The following ADAMTS18 variants were observed in gnomAD, a reference collection of about 807,000 sequenced individuals.
ADAMTS18 encodes the protein ADAM metallopeptidase with thrombospondin type 1 motif 18.
ADAMTS18 carries 157 observed loss-of-function variants against 165.9 expected under a neutral mutation model. That is an observed-to-expected ratio of 0.95 (90% CI 0.83 to 1.08). ADAMTS18 has a LOEUF of 1.08. Ranked by LOEUF, ADAMTS18 falls within the 50% of genes least tolerant of loss-of-function variation. The probability of loss-of-function intolerance (pLI) is 0.00; values close to 1 mark genes in which losing one functional copy is unlikely to be tolerated. For synonymous variants in ADAMTS18, 782 were observed against 578.2 expected (o/e 1.35, Z -5.06); for missense variants, 2,040 against 1,534.0 (o/e 1.33, Z -5.51).
chr16:77,303,781 C>T (rs952871904), intron 16 of ADAMTS18, among the ~76,000 whole-genome samples: 1 of 152,204 alleles, frequency 6.6e-6, no homozygotes, highest in Non-Finnish European at 1.5e-5. Context: ...CGCCTGTAAT[C>T]CCAGTACTTT....
At chr16:77,393,031 C>T (rs554965032) in intron 3 of ADAMTS18, among the ~76,000 whole-genome samples, 17 of 152,244 alleles carry the variant, frequency 1.1e-4, no homozygotes, top group African/African-American at 4.1e-4. Flanking sequence ...TGGGTACCAT[C>T]AAAGGGTTAA....
intron 3 of ADAMTS18, among the ~76,000 whole-genome samples, chr16:77,387,478 T>C (rs2057125346): frequency 6.6e-6 from 1 of 152,298 alleles, no homozygotes. Flanking sequence ...AATGCACTAC[T>C]CAAGAGTACA....
In ADAMTS18 at chr16:77,367,633, C is replaced by G; in HGVS notation, c.586G>C (p.Gly196Arg). ...AQEHNYSSPA[G>R]HHPHVLYKRT... ...TTGTACAGTACGTGAGGATGGTGAC[C>G]CGCAGGGGAGCTGTAGTTGTGTTCC... The change falls in exon 4 of 23, where the codon GGT becomes CGT. Residue 196 changes from glycine (G) to arginine (R), a missense_variant. Transcript: ENST00000282849. The G allele has an allele frequency of 6.2e-7, 1 of 1,614,164 alleles. No homozygotes were observed. The highest frequency in any genetic ancestry group is 1.1e-5 in the South Asian group (1 of 91,086).
intron 14 of ADAMTS18, 146 bp downstream of exon 14, chr16:77,322,190 C>A: frequency 1.5e-6 from 1 of 679,432 alleles, no homozygotes. Context: ...ATATGGTGCT[C>A]GAATCCAGTG....
At chr16:77,414,669 A>T (rs2057507016) in intron 3 of ADAMTS18, among the ~76,000 whole-genome samples, 1 of 152,208 alleles carries the variant, frequency 6.6e-6, no homozygotes, top group African/African-American at 2.4e-5. Flanking sequence ...GGGGGAATAA[A>T]ACAAACTTCT....
In ADAMTS18 at chr16:77,341,698, G is replaced by C; in HGVS notation, c.1710+6C>G. ...GGAGCTAAAAACTAACAAGTATGCA[G>C]TTTACCATACTCAAGCCACAAACGG... On this transcript the variant is annotated splice_donor_region_variant and intron_variant, in intron 11 of 22. Transcript: ENST00000282849. 6.2e-7 allele frequency: 1 copy of C among 1,610,476 alleles called. No homozygotes were observed. Among genetic ancestry groups the C allele is most frequent in the Non-Finnish European group, 8.5e-7 (1 of 1,177,426 alleles).
chr16:77,405,022 T>TA lies in ADAMTS18; in HGVS notation c.495+26272dup, dbSNP rs531639525. ...GAATGTTTTTAGCACTGCTGTTAAT[T>TA]ACCTTAGCCACTGGTGAGGAAAAAA... On this transcript the variant is annotated intron_variant, in intron 3 of 22. Coordinates refer to ENST00000282849, the MANE Select transcript of ADAMTS18 (RefSeq NM_199355.4). Among the ~76,000 whole-genome samples, 7 of 152,296 alleles carry TA rather than the reference T, an allele frequency of 4.6e-5. No individual in the cohort carries two copies. The South Asian group carries it at 1.4e-3, about 32-fold the overall frequency.
intron 3 of ADAMTS18, among the ~76,000 whole-genome samples, chr16:77,371,027 C>A (rs550942072): frequency 3.5e-4 from 54 of 152,188 alleles, no homozygotes; most frequent in African/African-American, 1.3e-3. Flanking sequence ...TCAGCCTGGG[C>A]AACATAGTGA....
intron 3 of ADAMTS18, among the ~76,000 whole-genome samples, chr16:77,371,997 A>T (rs1333202988): frequency 6.6e-6 from 1 of 152,182 alleles, no homozygotes; most frequent in Non-Finnish European, 1.5e-5. Flanking sequence ...AGACATATAC[A>T]TGGCCAACAG....
At chr16:77,361,978 G>T in intron 7 of ADAMTS18, 127 bp downstream of exon 7, 1 of 1,088,472 alleles carries the variant, frequency 9.2e-7, no homozygotes, top group South Asian at 1.3e-5. Context: ...GGTACATTAG[G>T]TTACTCCATA....
At chr16:77,325,547 C>T (rs192371148) in intron 13 of ADAMTS18, among the ~76,000 whole-genome samples, 41 of 151,984 alleles carry the variant, frequency 2.7e-4, no homozygotes, top group African/African-American at 8.9e-4. Flanking sequence ...CAGTTCATAC[C>T]AATTTCAATT....
At chr16:77,356,965 A>G (rs2056640378) in intron 8 of ADAMTS18, among the ~76,000 whole-genome samples, 1 of 150,118 alleles carries the variant, frequency 6.7e-6, no homozygotes, top group African/African-American at 2.5e-5. Flanking sequence ...AATTCAGCAC[A>G]GAGAAAAGTC....
At chr16:77,355,917 C>A in intron 9 of ADAMTS18, 23 bp downstream of exon 9, 3 of 1,613,820 alleles carry the variant, frequency 1.9e-6, no homozygotes, top group Non-Finnish European at 2.5e-6. Flanking sequence ...CCTAGGAGCA[C>A]CCCAGGATTT....
rs185156883 is a variant in ADAMTS18 at position 77,363,105 on chromosome 16, A to G, written c.1056+697T>C. 4.0e-3 allele frequency among the ~76,000 whole-genome samples: 615 copies of G among 152,330 alleles called. 4 individuals are homozygous for G. Among genetic ancestry groups the G allele is most frequent in the Non-Finnish European group, 7.1e-3 (483 of 68,034 alleles). The stretch of plus-strand genomic sequence containing the variant: ...AGAGGAAAAGCCTCGGGGGACTTAA[A>G]AAATAGCCATTTGAATGGTAATCGC... On this transcript the variant is annotated intron_variant, in intron 6 of 22. Transcript: ENST00000282849.
intron 21 of ADAMTS18, among the ~76,000 whole-genome samples, chr16:77,290,117 T>C (rs533983772): frequency 1.6e-4 from 24 of 152,346 alleles, no homozygotes; most frequent in Non-Finnish European, 2.6e-4. Context: ...TATAATTGAC[T>C]GTAGTTTCTG....
intron 4 of ADAMTS18, among the ~76,000 whole-genome samples, chr16:77,365,013 G>A (rs2056772756): frequency 6.6e-6 from 1 of 152,110 alleles, no homozygotes; most frequent in Non-Finnish European, 1.5e-5. Flanking sequence ...GGCTGAGGCA[G>A]GCGGATCACT....
At chr16:77,297,661 G>C (rs1462198026) in intron 17 of ADAMTS18, among the ~76,000 whole-genome samples, 1 of 151,782 alleles carries the variant, frequency 6.6e-6, no homozygotes, top group Non-Finnish European at 1.5e-5. Context: ...AGACTGATGT[G>C]GATACTAGAA....
At chr16:77,393,883 A>C (rs1343063853) in intron 3 of ADAMTS18, among the ~76,000 whole-genome samples, 2 of 152,216 alleles carry the variant, frequency 1.3e-5, no homozygotes, top group African/African-American at 4.8e-5. Flanking sequence ...GTCCTTTGAC[A>C]AACAGAAGCC....
At position 77,362,253 on chromosome 16, in the gene ADAMTS18, C is replaced by A; in HGVS notation, c.1068G>T (p.Leu356Phe). Reference sequence around the variant, plus strand: ...GAGACTGGTCTGCATGATGGTTGATCAATAATCCTCCCTATGGGAAACCCA... The same window carrying A: ...GAGACTGGTCTGCATGATGGTTGATAAATAATCCTCCCTATGGGAAACCCA... ...ILLEQEPGGL[L>F]INHHADQSLN... Residue 356 changes from leucine (L) to phenylalanine (F), a missense_variant, in exon 7 of 23, where the codon TTG becomes TTT. Coordinates refer to ENST00000282849, the MANE Select transcript of ADAMTS18 (RefSeq NM_199355.4). 1 of 1,614,106 alleles carries A rather than the reference C, an allele frequency of 6.2e-7. No individual in the cohort carries two copies. Among genetic ancestry groups the A allele is most frequent in the Non-Finnish European group, 8.5e-7 (1 of 1,180,004 alleles).
Sources: gnomAD v4.1 joint callset for allele counts (sites outside exome capture counted in the v4.1 genomes callset) on GRCh38, gnomAD v4.1.1 for gene constraint, MANE v1.5 for transcripts, NCBI Gene and HGNC (gene_info 2026-07-23, HGNC 2026-07-21) for gene names.